The following SLC35B4 variants were observed in gnomAD, a reference collection of about 807,000 sequenced individuals.
The protein encoded by SLC35B4 is solute carrier family 35 member B4.
SLC35B4 carries 28 observed loss-of-function variants against 39.5 expected under a neutral mutation model. That is an observed-to-expected ratio of 0.71 (90% CI 0.53 to 0.97). SLC35B4 has a LOEUF of 0.97. Among genes scored for constraint, SLC35B4 ranks in the 50% least tolerant of loss-of-function variants. SLC35B4 has a pLI of 0.00. For synonymous variants in SLC35B4, 145 were observed against 150.4 expected, an observed-to-expected ratio of 0.96 and a Z score of 0.26; for missense variants, 334 against 414.3, an observed-to-expected ratio of 0.81 and a Z score of 1.68.
rs1409594639 is a variant in SLC35B4 at position 134,294,673 on chromosome 7, T to G, written c.*160A>C. On this transcript the variant is annotated 3_prime_UTR_variant, in exon 10 of 10. Coordinates refer to ENST00000378509, the MANE Select transcript of SLC35B4 (RefSeq NM_032826.5). The stretch of plus-strand genomic sequence containing the variant: ...GGGGTTTCTATTTAGTCTACATGTG[T>G]CAGTCTGAGCAACGTGAGAAGTCCC... 11 of 807,712 alleles carry G rather than the reference T, an allele frequency of 1.4e-5. No homozygotes were observed. The highest frequency in any genetic ancestry group is 3.8e-4 in the Middle Eastern group (1 of 2,658). The allele number at this position is 807,712 out of a possible 1,614,324, so 50.0% of individuals were successfully genotyped here. A position where few individuals can be genotyped will look rare whatever the true frequency, so the allele number is the denominator to read the frequency against.
chr7:134,317,966 T>A (rs1804028497), upstream of SLC35B4, among the ~76,000 whole-genome samples: 1 of 152,248 alleles, frequency 6.6e-6, no homozygotes, highest in South Asian at 2.1e-4. Flanking sequence ...TCCGTTGTAA[T>A]TGAATCCAAC....
chr7:134,317,495 G>A (rs570459347), upstream of SLC35B4, among the ~76,000 whole-genome samples: 1 of 152,266 alleles, frequency 6.6e-6, no homozygotes, highest in African/African-American at 2.4e-5. Flanking sequence ...AGCCTTAAAG[G>A]TGATCTATTG....
Position 134,299,511 on chromosome 7 carries a change from C to A in SLC35B4, c.673+12G>T. 1 of 1,609,766 alleles carries A rather than the reference C, an allele frequency of 6.2e-7. No homozygotes were observed. The highest frequency in any genetic ancestry group is 8.5e-7 in the Non-Finnish European group (1 of 1,176,238). ...ACTGTCAGGTAATTCTACTGTCTAA[C>A]CCCAAACTCACCAGACTTATTGAAT... On this transcript the variant is annotated intron_variant, in intron 8 of 9. Coordinates refer to ENST00000378509, the MANE Select transcript of SLC35B4 (RefSeq NM_032826.5).
Position 134,316,797 on chromosome 7 carries a change from C to T in SLC35B4, c.-46G>A. 1 of 1,530,370 alleles carries T rather than the reference C, an allele frequency of 6.5e-7. No homozygotes were observed. The highest frequency in any genetic ancestry group is 8.8e-7 in the Non-Finnish European group (1 of 1,134,394). The allele number at this position is 1,530,370 out of a possible 1,614,324, so 94.8% of individuals were successfully genotyped here. A position where few individuals can be genotyped will look rare whatever the true frequency, so the allele number is the denominator to read the frequency against. The stretch of plus-strand genomic sequence containing the variant: ...AGCAAGCGCACAGAGTAAGCGCCCG[C>T]CTGTACCGCTACCCCAGGAAGCCGG... On this transcript the variant is annotated 5_prime_UTR_variant, in exon 1 of 10. Coordinates refer to ENST00000378509, the MANE Select transcript of SLC35B4 (RefSeq NM_032826.5).
chr7:134,312,974 T>A (rs1435245403), intron 1 of SLC35B4, among the ~76,000 whole-genome samples: 2 of 152,218 alleles, frequency 1.3e-5, no homozygotes, highest in East Asian at 3.8e-4. Context: ...TTCCATTTCT[T>A]CCTTTTCCCA....
chr7:134,300,466 A>AT (rs1250247262), intron 6 of SLC35B4, among the ~76,000 whole-genome samples: 2 of 152,086 alleles, frequency 1.3e-5, no homozygotes, highest in Admixed American at 6.6e-5. Flanking sequence ...ATTTATGTAA[A>AT]TTTTTTTACA....
chr7:134,314,026 A>G (rs967439212), intron 1 of SLC35B4, among the ~76,000 whole-genome samples: 1 of 142,338 alleles, frequency 7.0e-6, no homozygotes, highest in Non-Finnish European at 1.5e-5. Flanking sequence ...CAAAAAATGC[A>G]GATTTACAAA....
intron 4 of SLC35B4, among the ~76,000 whole-genome samples, chr7:134,302,935 G>T (rs1050690265): frequency 5.1e-4 from 77 of 152,292 alleles, no homozygotes; most frequent in African/African-American, 1.7e-3. Context: ...TGGGGAGGAA[G>T]CAGGTACGAG....
chr7:134,306,552 AC>A, intron 3 of SLC35B4, 119 bp downstream of exon 3: 1 of 666,226 alleles, frequency 1.5e-6, no homozygotes, highest in Non-Finnish European at 2.4e-6. Context: ...GCATTCACAA[AC>A]CTATTCTTCT....
chr7:134,315,044 G>A (rs564022549), intron 1 of SLC35B4, among the ~76,000 whole-genome samples: 2 of 152,176 alleles, frequency 1.3e-5, no homozygotes, highest in Non-Finnish European at 2.9e-5. Flanking sequence ...TTTACCTTAA[G>A]TAAACTGGTT....
upstream of SLC35B4, among the ~76,000 whole-genome samples, chr7:134,318,167 AGATTATTG>A (rs1254550881): frequency 1.3e-5 from 2 of 152,204 alleles, no homozygotes; most frequent in Non-Finnish European, 2.9e-5. Context: ...TATCGAGTGC[AGATTATTG>A]GGTCTCGCTT....
intron 8 of SLC35B4, chr7:134,299,260 A>G (rs1182023273): frequency 2.6e-6 from 1 of 381,310 alleles, no homozygotes; most frequent in Non-Finnish European, 4.8e-6. Flanking sequence ...AACATCAAAC[A>G]TTTCACATTC....
In SLC35B4 at chr7:134,301,821, T is replaced by A; in HGVS notation, c.427A>T (p.Thr143Ser). ...ICTFMSAKQV[T>S]SQSSLSENDG... The stretch of plus-strand genomic sequence containing the variant: ...TTCTCACTCAAGCTGGACTGGGAAG[T>A]CTAGGAAATAAGAAAATAAACTAGG... Residue 143 changes from threonine (T) to serine (S), a missense_variant and splice_region_variant, in exon 6 of 10, where the codon ACT (threonine) becomes TCT (serine). Transcript: ENST00000378509. 6.2e-7 allele frequency: 1 copy of A among 1,613,988 alleles called. No homozygotes were observed. The highest frequency in any genetic ancestry group is 8.5e-7 in the Non-Finnish European group (1 of 1,179,934).
At chr7:134,313,936 G>C (rs1803909820) in intron 1 of SLC35B4, among the ~76,000 whole-genome samples, 2 of 152,048 alleles carry the variant, frequency 1.3e-5, no homozygotes, top group African/African-American at 4.8e-5. Flanking sequence ...TTAGGAAAAG[G>C]CTCTATTCAG....
At chr7:134,305,706 T>C (rs1803694030) in intron 3 of SLC35B4, among the ~76,000 whole-genome samples, 2 of 152,200 alleles carry the variant, frequency 1.3e-5, no homozygotes, top group African/African-American at 4.8e-5. Flanking sequence ...GTTTTGCTCT[T>C]GTTGCCCAGG....
rs146610063 is a variant in SLC35B4 at position 134,290,817 on chromosome 7, G to C, written c.*4016C>G. ...TATGCTTTGGTTATCTAATAAGGGT[G>C]GAATGACTTATAATGCTATTTACTC... is the stretch of plus-strand genomic sequence containing the variant. On this transcript the variant is annotated 3_prime_UTR_variant, in exon 10 of 10. Coordinates refer to ENST00000378509, the MANE Select transcript of SLC35B4 (RefSeq NM_032826.5). The C allele has an allele frequency of 4.7e-4, 71 of 152,260 alleles. No homozygotes were observed. Among genetic ancestry groups the C allele is most frequent in the African/African-American group, 1.6e-3 (68 of 41,556 alleles). 9.4% of individuals were successfully genotyped at this position (152,260 alleles called of 1,614,324 possible). A position where few individuals can be genotyped will look rare whatever the true frequency, so the allele number is the denominator to read the frequency against.
chr7:134,300,262 C>T lies in SLC35B4; in HGVS notation c.488-1G>A. On this transcript the variant is annotated splice_acceptor_variant, in intron 6 of 9. Transcript: ENST00000378509. LOFTEE classifies it high-confidence loss of function. ...AGAGCAAAAGTCAATGCCCCAATAC[C>T]TAAAAAACAAACATCAGGTGACAAG... 1.3e-6 allele frequency: 2 copies of T among 1,593,334 alleles called. No homozygotes were observed. Among genetic ancestry groups the T allele is most frequent in the Non-Finnish European group, 1.7e-6 (2 of 1,171,854 alleles).
chr7:134,297,706 G>A (rs1178653826), intron 8 of SLC35B4, among the ~76,000 whole-genome samples: 2 of 152,228 alleles, frequency 1.3e-5, no homozygotes, highest in Non-Finnish European at 2.9e-5. Flanking sequence ...AGATGTCCAG[G>A]TTGATGGAAC....
intron 9 of SLC35B4, 113 bp from the exon 10 acceptor site, chr7:134,295,192 G>C: frequency 7.3e-7 from 1 of 1,377,288 alleles, no homozygotes; most frequent in Non-Finnish European, 9.9e-7. Flanking sequence ...AAACATGAAG[G>C]TCCGCTACGG....
Sources: gnomAD v4.1 joint callset for allele counts (sites outside exome capture counted in the v4.1 genomes callset) on GRCh38, gnomAD v4.1.1 for gene constraint, MANE v1.5 for transcripts, NCBI Gene and HGNC (gene_info 2026-07-23, HGNC 2026-07-21) for gene names.